PTPRG: variants seen among roughly 807,000 people sequenced by gnomAD.
The protein encoded by PTPRG is protein tyrosine phosphatase receptor type G.
PTPRG carries 102 observed loss-of-function variants against 165.3 expected under a neutral mutation model. The observed-to-expected ratio is 0.62, with a 90% CI of 0.53 to 0.73. PTPRG has a LOEUF of 0.73. PTPRG is among the 30% of genes least tolerant of loss of function. PTPRG has a pLI of 0.00. For synonymous variants in PTPRG, 675 were observed against 669.5 expected (o/e 1.01, Z -0.13); for missense variants, 1,866 against 1,861.4 (o/e 1.00, Z -0.05).
At chr3:61,813,223 C>T (rs569666935) in intron 2 of PTPRG, among the ~76,000 whole-genome samples, 2 of 149,684 alleles carry the variant, frequency 1.3e-5, no homozygotes, top group African/African-American at 4.9e-5. Context: ...TGGCTGGGCA[C>T]AGTGGCTCAC....
chr3:61,864,054 A>G (rs187890286), intron 2 of PTPRG, among the ~76,000 whole-genome samples: 46 of 152,314 alleles, frequency 3.0e-4, no homozygotes, highest in Admixed American at 1.3e-3. Flanking sequence ...TACGCAAGTC[A>G]CTTAACTTGT....
intron 2 of PTPRG, among the ~76,000 whole-genome samples, chr3:61,825,409 T>C (rs1427721403): frequency 6.6e-6 from 1 of 152,132 alleles, no homozygotes; most frequent in African/African-American, 2.4e-5. Context: ...TCCATAGAAA[T>C]TGTAAACACC....
At chr3:62,182,559 G>C (rs906111124) in intron 8 of PTPRG, among the ~76,000 whole-genome samples, 1 of 152,210 alleles carries the variant, frequency 6.6e-6, no homozygotes, top group Admixed American at 6.5e-5. Flanking sequence ...ATCTCCAGGG[G>C]GTCAGGAGCA....
chr3:61,790,281 G>C (rs944086185), intron 2 of PTPRG, among the ~76,000 whole-genome samples: 4 of 152,188 alleles, frequency 2.6e-5, no homozygotes, highest in African/African-American at 9.7e-5. Flanking sequence ...AACCATTCGA[G>C]TTGTTGCCTT....
intron 6 of PTPRG, among the ~76,000 whole-genome samples, chr3:62,140,795 C>T (rs971794458): frequency 2.8e-5 from 4 of 143,272 alleles, no homozygotes; most frequent in Admixed American, 7.5e-5. Flanking sequence ...TGCAGTGAGC[C>T]GAGATTAAGC....
At chr3:61,706,126 G>C (rs1023696847) in intron 1 of PTPRG, among the ~76,000 whole-genome samples, 4 of 152,070 alleles carry the variant, frequency 2.6e-5, no homozygotes, top group South Asian at 4.2e-4. Context: ...GCCATCTATC[G>C]ACACTTTGCA....
At chr3:61,811,573 A>C (rs1474882529) in intron 2 of PTPRG, among the ~76,000 whole-genome samples, 1 of 152,186 alleles carries the variant, frequency 6.6e-6, no homozygotes, top group African/African-American at 2.4e-5. Flanking sequence ...CCTCCATTTG[A>C]CCAAAGCTGA....
intron 4 of PTPRG, among the ~76,000 whole-genome samples, chr3:62,072,240 T>G (rs1701231210): frequency 6.6e-6 from 1 of 152,210 alleles, no homozygotes; most frequent in African/African-American, 2.4e-5. Flanking sequence ...TCCCATTACT[T>G]GACAGTATTG....
rs182185123 is a variant in PTPRG, at chr3:62,041,466, A to T, written c.520-36697A>T. ...ACTTTTAGTCTGAAATTAACAAAGG[A>T]TTGAGCATGTCCTTGAATGTCTCCT... is the stretch of plus-strand genomic sequence containing the variant. On this transcript the variant is annotated intron_variant, in intron 4 of 29. Coordinates refer to ENST00000474889, the MANE Select transcript of PTPRG (RefSeq NM_002841.4). 3.9e-3 allele frequency among the ~76,000 whole-genome samples: 588 copies of T among 152,324 alleles called. 5 individuals carry two copies. Among genetic ancestry groups the T allele is most frequent in the African/African-American group, 0.013 (561 of 41,562 alleles).
At chr3:61,941,132 G>C (rs1450265648) in intron 2 of PTPRG, among the ~76,000 whole-genome samples, 1 of 152,204 alleles carries the variant, frequency 6.6e-6, no homozygotes, top group East Asian at 1.9e-4. Flanking sequence ...CAAACTTGTT[G>C]TGTGGATCCA....
chr3:62,088,372 C>T (rs1017801123), intron 5 of PTPRG, among the ~76,000 whole-genome samples: 4 of 152,132 alleles, frequency 2.6e-5, no homozygotes, highest in African/African-American at 9.7e-5. Flanking sequence ...AGAGGGGGGT[C>T]AGTTAGGGCT....
At chr3:61,913,679 G>A (rs2038861099) in intron 2 of PTPRG, among the ~76,000 whole-genome samples, 2 of 152,092 alleles carry the variant, frequency 1.3e-5, no homozygotes, top group African/African-American at 2.4e-5. Context: ...TGCTTTTGTG[G>A]TCTTCACAAA....
chr3:62,053,428 G>A (rs1362027933), intron 4 of PTPRG, among the ~76,000 whole-genome samples: 3 of 151,926 alleles, frequency 2.0e-5, no homozygotes, highest in Non-Finnish European at 4.4e-5. Flanking sequence ...CATCACACCT[G>A]GCTAATTTTT....
At chr3:61,600,205 T>TGTGC (rs1700824529) in intron 1 of PTPRG, among the ~76,000 whole-genome samples, 1 of 149,870 alleles carries the variant, frequency 6.7e-6, no homozygotes, top group South Asian at 2.1e-4. Context: ...TGTGTGTGTG[T>TGTGC]GTGTGTGTGT....
Position 62,145,477 on chromosome 3 carries a change from G to C in PTPRG, c.683-11590G>C, listed in dbSNP as rs1008814594. Among the ~76,000 whole-genome samples the C allele has an allele frequency of 2.6e-5, 4 of 152,162 alleles. No homozygotes were observed. In the East Asian group the frequency reaches 7.7e-4, roughly 29 times the overall value. On this transcript the variant is annotated intron_variant, in intron 6 of 29. Coordinates refer to ENST00000474889, the MANE Select transcript of PTPRG (RefSeq NM_002841.4). ...TACTGCCACCATCACTGCCCATGTAGTAAAATGGAATGCATGTTGCTCAAC... is the reference window on the plus strand; with the variant it reads ...TACTGCCACCATCACTGCCCATGTACTAAAATGGAATGCATGTTGCTCAAC...
At chr3:61,715,119 G>T (rs1206936286) in intron 1 of PTPRG, among the ~76,000 whole-genome samples, 1 of 151,998 alleles carries the variant, frequency 6.6e-6, no homozygotes, top group Non-Finnish European at 1.5e-5. Flanking sequence ...AGCCGGGATG[G>T]TCTGGTCATA....
At chr3:61,730,906 A>G (rs1404860099) in intron 1 of PTPRG, among the ~76,000 whole-genome samples, 3 of 152,352 alleles carry the variant, frequency 2.0e-5, no homozygotes, top group East Asian at 3.9e-4. Context: ...CTAGGTTACA[A>G]CATTGATTCA....
chr3:61,978,991 A>G (rs1270478332), intron 2 of PTPRG, among the ~76,000 whole-genome samples: 1 of 152,142 alleles, frequency 6.6e-6, no homozygotes, highest in African/African-American at 2.4e-5. Context: ...TTATCTGTAA[A>G]ATGGGGAAGG....
intron 2 of PTPRG, among the ~76,000 whole-genome samples, chr3:61,851,594 G>T (rs640732): frequency 0.16 from 23,907 of 152,134 alleles, 1,882 homozygotes; most frequent in Middle Eastern, 0.19. Context: ...AAAATGGGTT[G>T]TTTGAATCAG....
Sources: allele counts gnomAD v4.1 joint callset (sites outside exome capture counted in the v4.1 genomes callset), GRCh38; gene constraint gnomAD v4.1.1; transcripts MANE v1.5; gene names NCBI Gene and HGNC (gene_info 2026-07-23, HGNC 2026-07-21).